Variants in RPS6KC1 observed in about 807,000 individuals in gnomAD.
The protein encoded by RPS6KC1 is ribosomal protein S6 kinase C1, also known as inactive ribosomal protein S6 kinase delta-1.
A neutral mutation model predicts 103.8 loss-of-function variants in RPS6KC1; 54 were observed. The observed-to-expected ratio is 0.52, with a 90% CI of 0.42 to 0.65. The LOEUF is 0.65. Among genes scored for constraint, RPS6KC1 ranks in the 30% least tolerant of loss-of-function variants. The pLI is 0.00. For synonymous variants in RPS6KC1, 439 were observed against 438.7 expected (o/e 1.00, Z -0.01); for missense variants, 1,151 against 1,253.8 (o/e 0.92, Z 1.24).
At chr1:213,639,966 G>T in the RPS6KC1 span, among the ~76,000 whole-genome samples, 1 of 151,302 alleles carries the variant, frequency 6.6e-6, no homozygotes, top group Non-Finnish European at 1.5e-5. Flanking sequence ...GAGTAGAATT[G>T]GTGTTATTTT....
At chr1:213,240,624 T>A (rs2094329007) in intron 10 of RPS6KC1, 78 bp from the exon 11 acceptor site, 1 of 1,188,078 alleles carries the variant, frequency 8.4e-7, no homozygotes. Flanking sequence ...AAGATAGTTT[T>A]TGTTTTTCTA....
intron 3 of RPS6KC1, among the ~76,000 whole-genome samples, chr1:213,102,876 C>T (rs1358337264): frequency 1.3e-5 from 2 of 152,070 alleles, no homozygotes; most frequent in South Asian, 2.1e-4. Context: ...GAACCATTGC[C>T]TAAGAGGTTG....
chr1:213,426,136 G>A, the RPS6KC1 span, among the ~76,000 whole-genome samples: 1 of 152,146 alleles, frequency 6.6e-6, no homozygotes, highest in African/African-American at 2.4e-5. Flanking sequence ...CATCAGTGGT[G>A]GCCTCCGCAC....
chr1:213,098,303 ATTTTTTTT>A (rs34192228), intron 3 of RPS6KC1, among the ~76,000 whole-genome samples: 1 of 121,846 alleles, frequency 8.2e-6, no homozygotes, highest in African/African-American at 3.2e-5. Flanking sequence ...TGCCCGGCTA[ATTTTTTTT>A]TTTTTTTTTT....
chr1:213,253,389 A>T (rs2149038627), intron 12 of RPS6KC1, among the ~76,000 whole-genome samples: 1 of 152,326 alleles, frequency 6.6e-6, no homozygotes, highest in African/African-American at 2.4e-5. Context: ...TTTCCTTATT[A>T]AGCATTTTAA....
the RPS6KC1 span, among the ~76,000 whole-genome samples, chr1:213,397,657 C>T: frequency 5.3e-5 from 8 of 151,286 alleles, no homozygotes; most frequent in Non-Finnish European, 1.0e-4. Context: ...ATCAGAATCC[C>T]GGAAGGCTAG....
the RPS6KC1 span, among the ~76,000 whole-genome samples, chr1:213,418,963 T>C: frequency 6.6e-6 from 1 of 152,360 alleles, no homozygotes; most frequent in South Asian, 2.1e-4. Context: ...TGTGTTGCGT[T>C]TCCCGTCTGG....
the RPS6KC1 span, among the ~76,000 whole-genome samples, chr1:213,305,068 G>C: frequency 2.6e-5 from 4 of 152,090 alleles, no homozygotes; most frequent in South Asian, 8.3e-4. Flanking sequence ...ACCTGTCTTT[G>C]GGAAACAGTC....
At chr1:213,510,873 C>T in the RPS6KC1 span, among the ~76,000 whole-genome samples, 1 of 152,056 alleles carries the variant, frequency 6.6e-6, no homozygotes, top group Non-Finnish European at 1.5e-5. Context: ...TACTTTGGTG[C>T]CTAGCCCAGG....
chr1:213,620,873 A>T, the RPS6KC1 span, among the ~76,000 whole-genome samples: 1 of 152,142 alleles, frequency 6.6e-6, no homozygotes, highest in African/African-American at 2.4e-5. Context: ...TTACTAAAGA[A>T]TTAGAGTATA....
intron 1 of RPS6KC1, among the ~76,000 whole-genome samples, chr1:213,060,617 G>T (rs1452196760): frequency 1.3e-5 from 2 of 152,084 alleles, no homozygotes; most frequent in Non-Finnish European, 2.9e-5. Context: ...CATCTTGTTT[G>T]TTGACAACTT....
the RPS6KC1 span, among the ~76,000 whole-genome samples, chr1:213,813,676 T>C: frequency 2.0e-5 from 3 of 152,202 alleles, no homozygotes; most frequent in Non-Finnish European, 2.9e-5. Flanking sequence ...GGCTGTGTTC[T>C]TCAGGAGAAG....
At chr1:213,742,683 G>C in the RPS6KC1 span, among the ~76,000 whole-genome samples, 4 of 152,252 alleles carry the variant, frequency 2.6e-5, no homozygotes, top group African/African-American at 9.6e-5. Context: ...CCCATGTGGG[G>C]CTCTTGCCCA....
At chr1:213,066,496 A>G (rs1291298836) in intron 1 of RPS6KC1, among the ~76,000 whole-genome samples, 1 of 152,240 alleles carries the variant, frequency 6.6e-6, no homozygotes, top group Non-Finnish European at 1.5e-5. Flanking sequence ...TAGTTTAAGT[A>G]TACTTCAACT....
At chr1:213,209,369 G>A (rs1453457561) in intron 8 of RPS6KC1, among the ~76,000 whole-genome samples, 2 of 152,102 alleles carry the variant, frequency 1.3e-5, no homozygotes, top group Non-Finnish European at 2.9e-5. Flanking sequence ...TTCCTGGTGA[G>A]TCCACAGATT....
the RPS6KC1 span, among the ~76,000 whole-genome samples, chr1:213,664,315 A>T: frequency 7.1e-6 from 1 of 141,668 alleles, no homozygotes; most frequent in Non-Finnish European, 1.6e-5. Flanking sequence ...CATGGAATTC[A>T]CTAACAAAAC....
chr1:213,141,904 A>C (rs2087088105), intron 6 of RPS6KC1, among the ~76,000 whole-genome samples: 1 of 149,888 alleles, frequency 6.7e-6, no homozygotes, highest in African/African-American at 2.5e-5. Context: ...TCAAACGTTG[A>C]GTTTTGGTTG....
chr1:213,437,145 A>T, the RPS6KC1 span, among the ~76,000 whole-genome samples: 4 of 152,134 alleles, frequency 2.6e-5, no homozygotes, highest in African/African-American at 9.6e-5. Flanking sequence ...AATTTTTCGA[A>T]GATCCCCTTT....
chr1:213,490,624 T>C, the RPS6KC1 span, among the ~76,000 whole-genome samples: 1 of 152,168 alleles, frequency 6.6e-6, no homozygotes, highest in Non-Finnish European at 1.5e-5. Flanking sequence ...GGAGATGTGT[T>C]GGCTGTTGGC....
Sources: gnomAD v4.1 joint callset for allele counts (sites outside exome capture counted in the v4.1 genomes callset) on GRCh38, gnomAD v4.1.1 for gene constraint, MANE v1.5 for transcripts, NCBI Gene and HGNC (gene_info 2026-07-23, HGNC 2026-07-21) for gene names.